The following DPYD variants were observed in gnomAD, a reference collection of about 807,000 sequenced individuals.
The protein encoded by DPYD is dihydropyrimidine dehydrogenase [NADP(+)].
In DPYD, 109 loss-of-function variants were observed where a neutral mutation model predicts 116.2. That is an observed-to-expected ratio of 0.94 (90% CI 0.80 to 1.10). The LOEUF (loss-of-function observed/expected upper bound fraction) is 1.10. Among genes scored for constraint, DPYD ranks in the 50% least tolerant of loss-of-function variants. The pLI is 0.00. For synonymous variants in DPYD, 440 were observed against 432.0 expected, an observed-to-expected ratio of 1.02 and a Z score of -0.23; for missense variants, 1,302 against 1,254.5, an observed-to-expected ratio of 1.04 and a Z score of -0.57.
At chr1:97,844,987 G>A (rs1300433660) in intron 2 of DPYD, among the ~76,000 whole-genome samples, 2 of 152,204 alleles carry the variant, frequency 1.3e-5, no homozygotes, top group Non-Finnish European at 2.9e-5. Flanking sequence ...CTCTCACCTT[G>A]TGCCCCTCTG....
At position 97,644,625 on chromosome 1, in the gene DPYD, T is replaced by G. The variant is rs182848369; in HGVS notation, c.850+34470A>C. On this transcript the variant is annotated intron_variant, in intron 8 of 22. Coordinates refer to ENST00000370192, the MANE Select transcript of DPYD (RefSeq NM_000110.4). Reference sequence around the variant, plus strand: ...TTTTTTGTTTTTTGTTTTTGTTTTTTTTTTTTGTATTTTTAGTAGAAACAG... The same window carrying G: ...TTTTTTGTTTTTTGTTTTTGTTTTTGTTTTTTGTATTTTTAGTAGAAACAG... Among the ~76,000 whole-genome samples, 349 of 151,278 alleles carry G rather than the reference T, an allele frequency of 2.3e-3. 2 individuals are homozygous for G. The highest frequency in any genetic ancestry group is 0.021 in the South Asian group (101 of 4,792).
chr1:97,101,067 G>C (rs1650645104), intron 20 of DPYD, among the ~76,000 whole-genome samples: 1 of 151,298 alleles, frequency 6.6e-6, no homozygotes, highest in Admixed American at 6.6e-5. Flanking sequence ...TGGACTAAAA[G>C]GAAAACTTGC....
At chr1:97,556,819 T>C (rs1651758554) in intron 11 of DPYD, among the ~76,000 whole-genome samples, 1 of 151,496 alleles carries the variant, frequency 6.6e-6, no homozygotes, top group East Asian at 1.9e-4. Context: ...TAAACATACA[T>C]GTGCATGTGT....
At chr1:97,871,465 T>G (rs1671652953) in intron 2 of DPYD, among the ~76,000 whole-genome samples, 1 of 151,504 alleles carries the variant, frequency 6.6e-6, no homozygotes, top group Admixed American at 6.6e-5. Flanking sequence ...CTGCAGGAGC[T>G]CACACAAGAG....
At chr1:97,547,921 C>T (rs1430354792) in intron 12 of DPYD, among the ~76,000 whole-genome samples, 1 of 152,234 alleles carries the variant, frequency 6.6e-6, no homozygotes, top group South Asian at 2.1e-4. Flanking sequence ...GCAGGTGAAT[C>T]AAACTTTTAA....
intron 3 of DPYD, among the ~76,000 whole-genome samples, chr1:97,767,827 C>T (rs2101149031): frequency 7.5e-6 from 1 of 132,514 alleles, no homozygotes; most frequent in Middle Eastern, 4.3e-3. Flanking sequence ...TGCAGATTAA[C>T]TAACATCCAA....
In DPYD at chr1:97,247,136, C is replaced by CT. The variant is rs1266317576; in HGVS notation, c.2300-12143dup. ...ATAATGGAAGAGAACAAGTGTTCCA[C>CT]TCCATTCAACCATTCAGTAACTATT... is the stretch of plus-strand genomic sequence containing the variant. On this transcript the variant is annotated intron_variant, in intron 18 of 22. Transcript: ENST00000370192. 1.8e-4 allele frequency among the ~76,000 whole-genome samples: 27 copies of CT among 152,254 alleles called. No homozygotes were observed. In the East Asian group the frequency reaches 5.0e-3, roughly 28 times the overall value.
At chr1:97,718,937 T>C (rs568705778) in intron 5 of DPYD, among the ~76,000 whole-genome samples, 6 of 151,918 alleles carry the variant, frequency 3.9e-5, no homozygotes, top group African/African-American at 1.4e-4. Flanking sequence ...ATAAAATCTA[T>C]ACTAAACTAT....
intron 7 of DPYD, among the ~76,000 whole-genome samples, chr1:97,680,478 T>G (rs1327940874): frequency 6.6e-6 from 1 of 152,170 alleles, no homozygotes; most frequent in East Asian, 1.9e-4. Flanking sequence ...AGAAGTTTTA[T>G]AAGGCCACAC....
chr1:97,563,814 T>A (rs1652333727), intron 11 of DPYD, among the ~76,000 whole-genome samples: 1 of 152,174 alleles, frequency 6.6e-6, no homozygotes, highest in East Asian at 1.9e-4. Flanking sequence ...TCCATCCTCA[T>A]CACCTCCACC....
At chr1:97,623,196 CAG>C (rs1306995489) in intron 8 of DPYD, among the ~76,000 whole-genome samples, 10 of 152,006 alleles carry the variant, frequency 6.6e-5, no homozygotes, top group South Asian at 2.1e-4. Context: ...GACTGTGAAG[CAG>C]AGAGGTAAGA....
intron 2 of DPYD, among the ~76,000 whole-genome samples, chr1:97,865,658 A>G (rs1331579792): frequency 6.6e-6 from 1 of 151,762 alleles, no homozygotes; most frequent in Non-Finnish European, 1.5e-5. Flanking sequence ...ATCTCAAATG[A>G]GCGTAAAGAT....
rs1192636513 is a variant in DPYD at position 97,577,584 on chromosome 1, T to A, written c.1129-3614A>T. Among the ~76,000 whole-genome samples, 5 of 152,164 alleles carry A rather than the reference T, an allele frequency of 3.3e-5. No homozygotes were observed. In the South Asian group the frequency reaches 1.0e-3, roughly 31 times the overall value. ...TCCTAACCTCCGTGTGTGTGGCCTC[T>A]GTGCATTATGTGTACCCCTTCAGGA... On this transcript the variant is annotated intron_variant, in intron 10 of 22. Coordinates refer to ENST00000370192, the MANE Select transcript of DPYD (RefSeq NM_000110.4).
chr1:97,605,055 C>A (rs1365436134), intron 8 of DPYD, among the ~76,000 whole-genome samples: 1 of 152,090 alleles, frequency 6.6e-6, no homozygotes, highest in Admixed American at 6.6e-5. Context: ...ATCCAAATGT[C>A]TTTTCAAGTG....
chr1:97,296,686 C>G (rs1666550936), intron 18 of DPYD, among the ~76,000 whole-genome samples: 1 of 151,500 alleles, frequency 6.6e-6, no homozygotes, highest in Non-Finnish European at 1.5e-5. Context: ...ATGTAAAAGT[C>G]CATTTATAGA....
intron 16 of DPYD, among the ~76,000 whole-genome samples, chr1:97,348,756 T>C (rs757362025): frequency 3.9e-5 from 6 of 152,084 alleles, no homozygotes; most frequent in Non-Finnish European, 7.4e-5. Context: ...GTGGCCACTC[T>C]AGTAACAGAG....
intron 20 of DPYD, among the ~76,000 whole-genome samples, chr1:97,180,594 C>A (rs1307560426): frequency 6.6e-6 from 1 of 152,072 alleles, no homozygotes; most frequent in Non-Finnish European, 1.5e-5. Context: ...CCTCAATCTC[C>A]ACCCAGAACA....
chr1:97,805,786 G>A (rs1668053132), intron 3 of DPYD, among the ~76,000 whole-genome samples: 1 of 151,756 alleles, frequency 6.6e-6, no homozygotes, highest in Non-Finnish European at 1.5e-5. Context: ...ACCGGCACAG[G>A]CGGAGGGGTG....
chr1:97,493,220 T>C (rs1679066312), intron 13 of DPYD, among the ~76,000 whole-genome samples: 1 of 152,224 alleles, frequency 6.6e-6, no homozygotes, highest in African/African-American at 2.4e-5. Context: ...CCAAGTAGGC[T>C]GTCTTATTTC....
Sources: allele counts gnomAD v4.1 joint callset (sites outside exome capture counted in the v4.1 genomes callset), GRCh38; gene constraint gnomAD v4.1.1; transcripts MANE v1.5; gene names NCBI Gene and HGNC (gene_info 2026-07-23, HGNC 2026-07-21).